The following ARK2C variants were observed in gnomAD, a reference collection of about 807,000 sequenced individuals.
ARK2C encodes the protein E3 ubiquitin-protein ligase ARK2C.
At chr18:46,442,290 C>T in the ARK2C span, among the ~76,000 whole-genome samples, 2 of 152,054 alleles carry the variant, frequency 1.3e-5, no homozygotes, top group African/African-American at 4.8e-5. Context: ...TGGGCTCTAG[C>T]TTCTTAAGGC....
chr18:46,438,440 CA>C, the ARK2C span, among the ~76,000 whole-genome samples: 1 of 152,214 alleles, frequency 6.6e-6, no homozygotes, highest in Non-Finnish European at 1.5e-5. Flanking sequence ...CTTGCTTTTC[CA>C]GTTAGCATTC....
chr18:46,449,340 G>GT, the ARK2C span, among the ~76,000 whole-genome samples: 27 of 151,952 alleles, frequency 1.8e-4, no homozygotes, highest in Non-Finnish European at 2.5e-4. Context: ...CAGCATGGAG[G>GT]TTTTTTTTGC....
chr18:46,389,619 A>G, the ARK2C span, among the ~76,000 whole-genome samples: 1 of 152,116 alleles, frequency 6.6e-6, no homozygotes, highest in Non-Finnish European at 1.5e-5. Context: ...GCTTCTCCAA[A>G]CCCAGACTTC....
the ARK2C span, among the ~76,000 whole-genome samples, chr18:46,350,882 C>G: frequency 6.6e-6 from 1 of 152,224 alleles, no homozygotes; most frequent in African/African-American, 2.4e-5. Context: ...GCTCTTTCAT[C>G]ATCAGATGGG....
At chr18:46,453,266 A>G in the ARK2C span, among the ~76,000 whole-genome samples, 1 of 152,232 alleles carries the variant, frequency 6.6e-6, no homozygotes, top group Non-Finnish European at 1.5e-5. Flanking sequence ...GAAAATGATC[A>G]TTCTCTGGAG....
chr18:46,334,246 C>T, the ARK2C span: 2 of 1,441,122 alleles, frequency 1.4e-6, no homozygotes, highest in Non-Finnish European at 1.8e-6. This position sits in a 1 kb window ranked among gnomAD's most constrained non-coding sequence, Gnocchi z 4.4. Context: ...CGCGCAGCCG[C>T]CGCCGCCGCC....
chr18:46,408,407 C>T, the ARK2C span, among the ~76,000 whole-genome samples: 3 of 152,198 alleles, frequency 2.0e-5, no homozygotes, highest in South Asian at 2.1e-4. Flanking sequence ...GCCTGGCACA[C>T]GCACCTGCGA....
At chr18:46,396,962 G>A in the ARK2C span, among the ~76,000 whole-genome samples, 1 of 152,262 alleles carries the variant, frequency 6.6e-6, no homozygotes, top group Non-Finnish European at 1.5e-5. Context: ...TCCTTTGCAA[G>A]CCCAATCGCT....
At chr18:46,352,341 G>C in the ARK2C span, among the ~76,000 whole-genome samples, 1 of 152,156 alleles carries the variant, frequency 6.6e-6, no homozygotes, top group African/African-American at 2.4e-5. Flanking sequence ...GGCTATATTG[G>C]GTACACATCA....
the ARK2C span, among the ~76,000 whole-genome samples, chr18:46,415,051 G>C: frequency 6.6e-6 from 1 of 152,220 alleles, no homozygotes; most frequent in Admixed American, 6.5e-5. Context: ...GGGCAGGGGA[G>C]GGAGCAGAAG....
the ARK2C span, among the ~76,000 whole-genome samples, chr18:46,387,315 C>T: frequency 6.6e-6 from 1 of 152,208 alleles, no homozygotes; most frequent in Non-Finnish European, 1.5e-5. Context: ...TGCATTGAAA[C>T]AAGCCCCCAT....
At chr18:46,419,300 G>A in the ARK2C span, among the ~76,000 whole-genome samples, 11 of 152,262 alleles carry the variant, frequency 7.2e-5, no homozygotes, top group African/African-American at 2.2e-4. Context: ...GCCATCCTCC[G>A]TAGCCAGCCC....
the ARK2C span, chr18:46,337,067 T>TTTAA: frequency 1.3e-5 from 13 of 985,140 alleles, no homozygotes; most frequent in Non-Finnish European, 1.4e-5. Context: ...AACAGCCGGC[T>TTTAA]CCCTTCTGCT....
chr18:46,411,957 C>T, the ARK2C span, among the ~76,000 whole-genome samples: 1 of 152,214 alleles, frequency 6.6e-6, no homozygotes, highest in South Asian at 2.1e-4. Context: ...GTCGATGATG[C>T]CAGGCTCCCT....
At chr18:46,397,176 A>C in the ARK2C span, among the ~76,000 whole-genome samples, 1 of 152,170 alleles carries the variant, frequency 6.6e-6, no homozygotes, top group Admixed American at 6.5e-5. Context: ...TTGGAGGAGG[A>C]GGGTTGGCCT....
At chr18:46,334,711 T>C in the ARK2C span, 1 of 107,474 alleles carries the variant, frequency 9.3e-6, no homozygotes, top group Non-Finnish European at 1.9e-5. The surrounding 1 kb of genome is among the most constrained non-coding windows in gnomAD (Gnocchi z 4.4). Context: ...TGTGTGTGTG[T>C]GTGTGAGAGA....
At chr18:46,334,491 C>A in the ARK2C span, 1 of 600,286 alleles carries the variant, frequency 1.7e-6, no homozygotes, top group Non-Finnish European at 2.6e-6. The surrounding 1 kb of genome is among the most constrained non-coding windows in gnomAD (Gnocchi z 4.4). Flanking sequence ...GGGGGACCCC[C>A]GAGGGTGGGG....
At chr18:46,369,785 A>G in the ARK2C span, among the ~76,000 whole-genome samples, 1 of 152,194 alleles carries the variant, frequency 6.6e-6, no homozygotes, top group East Asian at 1.9e-4. Flanking sequence ...GGACAAAGTA[A>G]GACTTTGCAT....
At chr18:46,352,546 A>T in the ARK2C span, among the ~76,000 whole-genome samples, 4 of 152,176 alleles carry the variant, frequency 2.6e-5, no homozygotes, top group Non-Finnish European at 5.9e-5. Flanking sequence ...GGTGCTCAAT[A>T]TCAAGGACTC....
Sources: gnomAD v4.1 joint callset for allele counts (sites outside exome capture counted in the v4.1 genomes callset) on GRCh38, gnomAD v4.1.1 for gene constraint, Gnocchi (gnomAD v3.1) non-coding constraint, MANE v1.5 for transcripts, NCBI Gene and HGNC (gene_info 2026-07-23, HGNC 2026-07-21) for gene names.